Variants in PREX2 observed in about 807,000 individuals in gnomAD.
The protein encoded by PREX2 is phosphatidylinositol 3,4,5-trisphosphate-dependent Rac exchanger 2 protein.
Under a neutral mutation model 203.2 loss-of-function variants are expected in PREX2, and 107 were observed. The ratio of observed to expected loss-of-function variants is 0.53; its 90% CI spans 0.45 to 0.62. The LOEUF (loss-of-function observed/expected upper bound fraction) is 0.62, where lower values mean the gene tolerates loss of function less well. PREX2 is among the 20% of genes least tolerant of loss of function. PREX2 has a pLI of 0.00. For missense variants in PREX2, 1,777 were observed against 1,955.9 expected, an observed-to-expected ratio of 0.91 and a Z score of 1.72; for synonymous variants, 672 against 663.6, an observed-to-expected ratio of 1.01 and a Z score of -0.19.
At chr8:68,114,125 G>A (rs1810592879) in intron 25 of PREX2, among the ~76,000 whole-genome samples, 1 of 152,166 alleles carries the variant, frequency 6.6e-6, no homozygotes, top group Admixed American at 6.5e-5. Context: ...GCCTCCCAAA[G>A]CGCTGGGATT....
At chr8:68,023,435 T>A (rs577481234) in intron 4 of PREX2, among the ~76,000 whole-genome samples, 234 of 152,306 alleles carry the variant, frequency 1.5e-3, no homozygotes, top group African/African-American at 5.5e-3. Flanking sequence ...TTTAGTGAAA[T>A]GTTTATTCAA....
chr8:68,043,027 C>A (rs1233355462), intron 7 of PREX2, among the ~76,000 whole-genome samples: 1 of 152,058 alleles, frequency 6.6e-6, no homozygotes, highest in Non-Finnish European at 1.5e-5. Flanking sequence ...GATGTACCAA[C>A]TTACAAGAAA....
chr8:68,165,433 T>G (rs1258786355), intron 35 of PREX2, among the ~76,000 whole-genome samples: 1 of 152,154 alleles, frequency 6.6e-6, no homozygotes, highest in Non-Finnish European at 1.5e-5. Context: ...TTCTCTTTTT[T>G]TATCCCCCAT....
chr8:68,071,965 C>A (rs1212700781), intron 13 of PREX2, among the ~76,000 whole-genome samples: 1 of 152,034 alleles, frequency 6.6e-6, no homozygotes, highest in Non-Finnish European at 1.5e-5. Context: ...AGAAGAAATT[C>A]TATTTTATTA....
chr8:68,174,499 G>T (rs1398841243), intron 35 of PREX2, among the ~76,000 whole-genome samples: 1 of 152,082 alleles, frequency 6.6e-6, no homozygotes, highest in Non-Finnish European at 1.5e-5. Flanking sequence ...CATAATTTTA[G>T]TTAGAATGAC....
chr8:68,138,800 T>C (rs1333209499), intron 33 of PREX2, among the ~76,000 whole-genome samples: 1 of 152,190 alleles, frequency 6.6e-6, no homozygotes. Context: ...AAAATATATC[T>C]ATCAGTCTAA....
intron 1 of PREX2, among the ~76,000 whole-genome samples, chr8:67,980,549 G>C (rs1806237617): frequency 1.3e-5 from 2 of 152,208 alleles, no homozygotes; most frequent in African/African-American, 4.8e-5. Context: ...AGTGTTTGGA[G>C]GGAACCTCCA....
chr8:68,015,767 C>T (rs1324061838), intron 1 of PREX2, among the ~76,000 whole-genome samples: 2 of 152,116 alleles, frequency 1.3e-5, no homozygotes, highest in Admixed American at 1.3e-4. Context: ...TCAAGAAAAA[C>T]AAAACTAAAG....
At chr8:68,190,382 C>T (rs2033582) in intron 35 of PREX2, among the ~76,000 whole-genome samples, 137,373 of 152,124 alleles carry the variant, frequency 0.9, 62,088 homozygotes, top group East Asian at 1. Context: ...CTTGAGAATG[C>T]TCAAAACGGC....
At position 68,157,375 on chromosome 8, in the gene PREX2, T is replaced by A; in HGVS notation, c.4285T>A (p.Phe1429Ile). 1 of 1,612,882 alleles carries A rather than the reference T, an allele frequency of 6.2e-7. No homozygotes were observed. Among genetic ancestry groups the A allele is most frequent in the Non-Finnish European group, 8.5e-7 (1 of 1,179,192 alleles). Reference sequence around the variant, plus strand: ...CAGAGACAATGTTTCTGTGGAAGAATTTCAAGCTCAGATAAATGCAGCCTC... The same window carrying A: ...CAGAGACAATGTTTCTGTGGAAGAAATTCAAGCTCAGATAAATGCAGCCTC... ...YYRDNVSVEE[F>I]QAQINAASLE... The change falls in exon 35 of 40, where the codon TTT (phenylalanine) becomes ATT (isoleucine). Residue 1429 changes from phenylalanine to isoleucine, a missense_variant. Physicochemically the swap from Phe to Ile is conservative, Grantham distance 21. Transcript: ENST00000288368.
intron 1 of PREX2, among the ~76,000 whole-genome samples, chr8:68,017,446 C>A (rs1343335309): frequency 1.3e-5 from 2 of 152,184 alleles, no homozygotes; most frequent in Non-Finnish European, 2.9e-5. Context: ...TTATCTATCT[C>A]TAATTTCGAA....
chr8:68,071,334 C>T (rs1012409395), intron 13 of PREX2, among the ~76,000 whole-genome samples: 5 of 152,178 alleles, frequency 3.3e-5, no homozygotes, highest in Admixed American at 3.3e-4. Context: ...AGAAAAGTTA[C>T]TTAGCATGAA....
chr8:68,220,906 T>G (rs1473668432), intron 38 of PREX2, among the ~76,000 whole-genome samples: 2 of 152,154 alleles, frequency 1.3e-5, no homozygotes, highest in Non-Finnish European at 2.9e-5. Context: ...GTGTGCAGGT[T>G]TGTTACATGG....
At chr8:68,074,101 G>A (rs1244217537) in intron 14 of PREX2, among the ~76,000 whole-genome samples, 2 of 151,788 alleles carry the variant, frequency 1.3e-5, no homozygotes, top group East Asian at 1.9e-4. Flanking sequence ...CAAGTACCTG[G>A]GATTACAGGT....
intron 38 of PREX2, among the ~76,000 whole-genome samples, chr8:68,222,527 AAATAAAT>A (rs1473721401): frequency 6.6e-6 from 1 of 152,130 alleles, no homozygotes; most frequent in Non-Finnish European, 1.5e-5. Flanking sequence ...ATACTTGAAT[AAATAAAT>A]AATTTGGGGA....
chr8:67,989,050 T>C (rs1221115287), intron 1 of PREX2, among the ~76,000 whole-genome samples: 1 of 152,164 alleles, frequency 6.6e-6, no homozygotes, highest in Non-Finnish European at 1.5e-5. Context: ...GCTGTCACTT[T>C]GCTCATTGTG....
Position 68,044,469 on chromosome 8 carries a change from A to G in PREX2, c.840-18A>G, listed in dbSNP as rs1443683868. The G allele has an allele frequency of 6.4e-7, 1 of 1,559,040 alleles. No individual in the cohort carries two copies. ...ATTGTTTAGTAACAAAGTCTTTGTG[A>G]TTTAATTCCATCTTAAGACGGTTGA... On this transcript the variant is annotated intron_variant, in intron 7 of 39. Coordinates refer to ENST00000288368, the MANE Select transcript of PREX2 (RefSeq NM_024870.4).
intron 4 of PREX2, among the ~76,000 whole-genome samples, chr8:68,025,572 T>C (rs1356081762): frequency 6.8e-6 from 1 of 147,220 alleles, no homozygotes; most frequent in African/African-American, 2.6e-5. Context: ...TTAGCCATTA[T>C]TTTAGAAATA....
chr8:68,028,703 C>T (rs896832937), intron 5 of PREX2, among the ~76,000 whole-genome samples: 5 of 151,898 alleles, frequency 3.3e-5, no homozygotes, highest in African/African-American at 1.2e-4. Flanking sequence ...AGACCTCTGA[C>T]TTGACTCAGT....
Sources: allele counts gnomAD v4.1 joint callset (sites outside exome capture counted in the v4.1 genomes callset), GRCh38; gene constraint gnomAD v4.1.1; transcripts MANE v1.5; gene names NCBI Gene and HGNC (gene_info 2026-07-23, HGNC 2026-07-21).